TCF12: variants seen among roughly 807,000 people sequenced by gnomAD.
TCF12 encodes DNA-binding protein HTF4.
TCF12 carries 45 observed loss-of-function variants against 86.0 expected under a neutral mutation model. The observed-to-expected ratio is 0.52, with a 90% CI of 0.41 to 0.67. The LOEUF (loss-of-function observed/expected upper bound fraction) is 0.67. Ranked by LOEUF, TCF12 falls within the 30% of genes least tolerant of loss-of-function variation. The pLI is 0.00. For missense variants in TCF12, 881 were observed against 859.9 expected (o/e 1.02, Z -0.31); for synonymous variants, 330 against 299.6 (o/e 1.10, Z -1.05).
chr15:56,984,576 G>A (rs1174045448), intron 3 of TCF12, among the ~76,000 whole-genome samples: 1 of 152,014 alleles, frequency 6.6e-6, no homozygotes, highest in African/African-American at 2.4e-5. Context: ...AATTCAAACG[G>A]TCATAGCACA....
intron 16 of TCF12, among the ~76,000 whole-genome samples, chr15:57,256,330 G>T (rs1485451469): frequency 6.6e-6 from 1 of 152,028 alleles, no homozygotes; most frequent in African/African-American, 2.4e-5. Flanking sequence ...AGTACTGCTG[G>T]GATCACTTTA....
At chr15:57,131,568 C>T (rs779882373) in intron 5 of TCF12, among the ~76,000 whole-genome samples, 2 of 152,162 alleles carry the variant, frequency 1.3e-5, no homozygotes, top group Non-Finnish European at 2.9e-5. Flanking sequence ...AAAGCAATCA[C>T]TCATCATCAA....
intron 3 of TCF12, among the ~76,000 whole-genome samples, chr15:57,019,654 G>T (rs1816855514): frequency 6.6e-6 from 1 of 152,088 alleles, no homozygotes; most frequent in Admixed American, 6.5e-5. Context: ...ATGAGTCACG[G>T]GTCCCAGTGG....
intron 5 of TCF12, among the ~76,000 whole-genome samples, chr15:57,117,054 G>A (rs1343757867): frequency 1.3e-5 from 2 of 151,408 alleles, no homozygotes; most frequent in Non-Finnish European, 2.9e-5. Flanking sequence ...GAAAAACAGA[G>A]CTAAAGTAGA....
intron 4 of TCF12, among the ~76,000 whole-genome samples, chr15:57,086,419 A>G (rs1239237061): frequency 6.6e-6 from 1 of 151,884 alleles, no homozygotes; most frequent in African/African-American, 2.4e-5. Flanking sequence ...GCCCCATGCC[A>G]CATAGCTTGT....
chr15:57,069,875 T>C (rs1279620869), intron 4 of TCF12, among the ~76,000 whole-genome samples: 3 of 152,214 alleles, frequency 2.0e-5, no homozygotes, highest in Non-Finnish European at 4.4e-5. Context: ...TAGAACAGTT[T>C]AGCAAGTATA....
chr15:57,125,637 G>C (rs1363167495), intron 5 of TCF12, among the ~76,000 whole-genome samples: 3 of 152,166 alleles, frequency 2.0e-5, no homozygotes, highest in African/African-American at 7.2e-5. Context: ...CTAATTTCTA[G>C]AAAGCAAGAA....
intron 4 of TCF12, among the ~76,000 whole-genome samples, chr15:57,086,284 C>G (rs2048625000): frequency 6.6e-6 from 1 of 150,594 alleles, no homozygotes; most frequent in Non-Finnish European, 1.5e-5. Context: ...GTGCCAGGAA[C>G]TTTTCCAAGT....
rs1555524413 is a variant in TCF12 at position 57,165,163 on chromosome 15, TGC to T, written c.326-1237_326-1236del. Among the ~76,000 whole-genome samples the T allele has an allele frequency of 5.2e-3, 777 of 149,398 alleles. 6 individuals carry two copies. Among genetic ancestry groups the T allele is most frequent in the African/African-American group, 0.019 (749 of 39,898 alleles). ...GTGTGTGTGTGTGTGTGTGTGTGTGTGCGTACACGAGATGTGCAAGGATATTT... is the reference window on the plus strand; with the variant it reads ...GTGTGTGTGTGTGTGTGTGTGTGTGTGTACACGAGATGTGCAAGGATATTT... On this transcript the variant is annotated intron_variant, in intron 5 of 20. Transcript: ENST00000333725.
chr15:57,120,429 C>G lies in TCF12; in HGVS notation c.325+28538C>G, dbSNP rs116053387. 7.2e-3 allele frequency among the ~76,000 whole-genome samples: 1,100 copies of G among 152,262 alleles called. 9 individuals are homozygous for G. Among genetic ancestry groups the G allele is most frequent in the African/African-American group, 0.026 (1,062 of 41,530 alleles). ...CAATATCTGATATATATCAAGTGCTCAATAATTGTTTGTTGAACTGCTTTT... is the reference window on the plus strand; with the variant it reads ...CAATATCTGATATATATCAAGTGCTGAATAATTGTTTGTTGAACTGCTTTT... On this transcript the variant is annotated intron_variant, in intron 5 of 20. Coordinates refer to ENST00000333725, the MANE Select transcript of TCF12 (RefSeq NM_207037.2).
Position 57,120,978 on chromosome 15 carries a change from A to T in TCF12, c.325+29087A>T, listed in dbSNP as rs191882976. Among the ~76,000 whole-genome samples, 569 of 151,076 alleles carry T rather than the reference A, an allele frequency of 3.8e-3. 1 individual carries two copies. Among genetic ancestry groups the T allele is most frequent in the Admixed American group, 6.2e-3 (95 of 15,238 alleles). ...CCTGGGTGAAAAAGTGAGACTGTCT[A>T]AAAAAAAGAAAAGAAAGGAAAGGAA... On this transcript the variant is annotated intron_variant, in intron 5 of 20. Coordinates refer to ENST00000333725, the MANE Select transcript of TCF12 (RefSeq NM_207037.2).
rs1029984698 is a variant in TCF12 at position 57,156,910 on chromosome 15, G to C, written c.326-9492G>C. On this transcript the variant is annotated intron_variant, in intron 5 of 20. Coordinates refer to ENST00000333725, the MANE Select transcript of TCF12 (RefSeq NM_207037.2). ...GCAAGAAATTTCTTAGACGAGCATT[G>C]ATACAAGGATTTGGTGGAAACAGAG... Among the ~76,000 whole-genome samples, 3 of 152,326 alleles carry C rather than the reference G, an allele frequency of 2.0e-5. No homozygotes were observed. In the South Asian group the frequency reaches 6.2e-4, roughly 32 times the overall value.
At chr15:57,034,493 A>C (rs1420399086) in intron 3 of TCF12, among the ~76,000 whole-genome samples, 3 of 152,194 alleles carry the variant, frequency 2.0e-5, no homozygotes, top group Admixed American at 2.0e-4. Context: ...TTATGGTTTC[A>C]TATGTTCAGC....
intron 19 of TCF12, among the ~76,000 whole-genome samples, chr15:57,274,474 A>C (rs1204875469): frequency 1.3e-5 from 2 of 152,244 alleles, no homozygotes; most frequent in Non-Finnish European, 2.9e-5. Flanking sequence ...CTAATCTTCA[A>C]GTAATTATAG....
intron 8 of TCF12, among the ~76,000 whole-genome samples, chr15:57,221,807 C>T (rs1249510295): frequency 2.6e-5 from 4 of 152,012 alleles, no homozygotes; most frequent in Non-Finnish European, 4.4e-5. Context: ...TCATTGGCAA[C>T]ATTATTATTT....
At chr15:57,067,357 G>T (rs1215129278) in intron 4 of TCF12, among the ~76,000 whole-genome samples, 1 of 151,732 alleles carries the variant, frequency 6.6e-6, no homozygotes, top group African/African-American at 2.4e-5. Flanking sequence ...CGGCTAAAAC[G>T]GTGAAACCCC....
At chr15:56,996,440 C>A (rs2063717597) in intron 3 of TCF12, among the ~76,000 whole-genome samples, 2 of 152,078 alleles carry the variant, frequency 1.3e-5, no homozygotes, top group Non-Finnish European at 2.9e-5. Flanking sequence ...ACTGGCTATC[C>A]ATATGTAGAA....
rs930511310 is a variant in TCF12, at chr15:57,012,501, A to C, written c.149-51249A>C. Among the ~76,000 whole-genome samples the C allele has an allele frequency of 2.6e-5, 4 of 152,216 alleles. No homozygotes were observed. The East Asian group carries it at 7.7e-4, about 29-fold the overall frequency. ...GCATTGATCTACAAGTGTGGCTCTC[A>C]GGAATTATTAACAGATTGGAATCCA... On this transcript the variant is annotated intron_variant, in intron 3 of 20. Coordinates refer to ENST00000333725, the MANE Select transcript of TCF12 (RefSeq NM_207037.2).
chr15:57,286,577 A>G lies in TCF12; in HGVS notation c.*432A>G, dbSNP rs2061940456. 2 of 455,158 alleles carry G rather than the reference A, an allele frequency of 4.4e-6. No individual in the cohort carries two copies. The highest frequency in any genetic ancestry group is 6.9e-5 in the East Asian group (1 of 14,402). 28.2% of individuals were successfully genotyped at this position (455,158 alleles called of 1,614,324 possible). ...AAAAGTTAATGTGGAAAGCTGATCTACACTCAGCTGATGCCAGCATACATT... is the reference window on the plus strand; with the variant it reads ...AAAAGTTAATGTGGAAAGCTGATCTGCACTCAGCTGATGCCAGCATACATT... On this transcript the variant is annotated 3_prime_UTR_variant, in exon 21 of 21. Transcript: ENST00000333725.
Sources: allele counts gnomAD v4.1 joint callset (sites outside exome capture counted in the v4.1 genomes callset), GRCh38; gene constraint gnomAD v4.1.1; transcripts MANE v1.5; gene names NCBI Gene and HGNC (gene_info 2026-07-23, HGNC 2026-07-21).